Variants in COL25A1 observed in about 807,000 individuals in gnomAD.
COL25A1 encodes collagen alpha-1(XXV) chain.
A neutral mutation model predicts 128.4 loss-of-function variants in COL25A1; 103 were observed. The observed-to-expected ratio is 0.80, with a 90% confidence interval of 0.68 to 0.94. The LOEUF (loss-of-function observed/expected upper bound fraction) is 0.94, where lower values mean the gene tolerates loss of function less well. Ranked by LOEUF, COL25A1 falls within the 40% of genes least tolerant of loss-of-function variation. The pLI is 0.00. For synonymous variants in COL25A1, 279 were observed against 277.2 expected (o/e 1.01, Z -0.06); for missense variants, 745 against 840.0 (o/e 0.89, Z 1.40).
rs1364685297 is a variant in COL25A1, at chr4:108,809,413, TC to T, written c.*4513del. On this transcript the variant is annotated 3_prime_UTR_variant, in exon 38 of 38. Transcript: ENST00000399132. The stretch of plus-strand genomic sequence containing the variant: ...TAAATGTCAACAGTATGTAAGACAT[TC>T]TTTTGTGAATCCAATTCGTTAATAT... 6.6e-6 allele frequency: 1 copy of T among 152,112 alleles called. No individual in the cohort carries two copies. Among genetic ancestry groups the T allele is most frequent in the Non-Finnish European group, 1.5e-5 (1 of 67,944 alleles). 9.4% of individuals were successfully genotyped at this position (152,112 alleles called of 1,614,324 possible). A position where few individuals can be genotyped will look rare whatever the true frequency, so the allele number is the denominator to read the frequency against.
At chr4:109,067,235 C>T (rs1762522781) in intron 3 of COL25A1, among the ~76,000 whole-genome samples, 1 of 152,128 alleles carries the variant, frequency 6.6e-6, no homozygotes, top group African/African-American at 2.4e-5. Flanking sequence ...AGAGAACATC[C>T]TATGGATATA....
intron 33 of COL25A1, among the ~76,000 whole-genome samples, chr4:108,826,554 AAGAAG>A (rs1385107807): frequency 1.3e-5 from 2 of 152,140 alleles, no homozygotes; most frequent in Admixed American, 6.5e-5. Flanking sequence ...TAATAATAAT[AAGAAG>A]AGAAGAATTT....
chr4:109,095,870 T>C (rs1765351422), intron 3 of COL25A1, among the ~76,000 whole-genome samples: 1 of 152,108 alleles, frequency 6.6e-6, no homozygotes, highest in African/African-American at 2.4e-5. Flanking sequence ...AAAGGGCATG[T>C]CCACAGCACA....
intron 8 of COL25A1, 128 bp from the exon 9 acceptor site, chr4:108,941,565 G>A (rs1343229294): frequency 3.1e-6 from 2 of 641,390 alleles, no homozygotes; most frequent in Non-Finnish European, 5.5e-6. Context: ...AAACAAAATA[G>A]AACTGGCACT....
chr4:109,280,248 A>ATCAACC (rs1398403921), intron 3 of COL25A1, among the ~76,000 whole-genome samples: 1 of 152,210 alleles, frequency 6.6e-6, no homozygotes, highest in African/African-American at 2.4e-5. Context: ...TCAAATACCC[A>ATCAACC]TCAACTCAGA....
chr4:108,853,370 T>C (rs1164361973), intron 24 of COL25A1, among the ~76,000 whole-genome samples: 1 of 104,310 alleles, frequency 9.6e-6, no homozygotes, highest in Non-Finnish European at 2.1e-5. Context: ...AAAACTAACT[T>C]TGTGTTTGTG....
chr4:108,866,028 G>T, intron 20 of COL25A1, among the ~76,000 whole-genome samples: 1 of 151,952 alleles, frequency 6.6e-6, no homozygotes, highest in East Asian at 1.9e-4. Flanking sequence ...TCTCTTCCTT[G>T]TCCACACTAC....
intron 3 of COL25A1, among the ~76,000 whole-genome samples, chr4:109,247,538 A>G (rs1447931442): frequency 6.6e-6 from 1 of 152,220 alleles, no homozygotes; most frequent in Admixed American, 6.5e-5. Context: ...GGAACATGTA[A>G]TATTGCTTAC....
intron 33 of COL25A1, 63 bp downstream of exon 33, chr4:108,827,072 G>T: frequency 1.4e-6 from 2 of 1,421,782 alleles, no homozygotes; most frequent in Non-Finnish European, 2.0e-6. Context: ...AGGGTTAACC[G>T]TGTCAGTGAC....
rs754277660 is a variant in COL25A1 at position 108,860,926 on chromosome 4, C to T, written c.1242+1G>A. On this transcript the variant is annotated splice_donor_variant, in intron 23 of 37. Coordinates refer to ENST00000399132, the MANE Select transcript of COL25A1 (RefSeq NM_198721.4). LOFTEE classifies it high-confidence loss of function. ...TTTAGATGGATGAGAGGAACACTCA[C>T]CCTTGGTCCCTGAGCTCCAGAGTCC... The T allele has an allele frequency of 1.2e-6, 2 of 1,613,502 alleles. No homozygotes were observed. The highest frequency in any genetic ancestry group is 1.1e-5 in the South Asian group (1 of 91,072).
At chr4:108,982,216 A>G (rs1352744174) in intron 6 of COL25A1, among the ~76,000 whole-genome samples, 1 of 152,122 alleles carries the variant, frequency 6.6e-6, no homozygotes, top group Non-Finnish European at 1.5e-5. Context: ...CACACAAACA[A>G]AACAAAAAAG....
chr4:108,918,296 T>C (rs989483587), intron 12 of COL25A1, 80 bp from the exon 13 acceptor site: 20 of 1,003,508 alleles, frequency 2.0e-5, no homozygotes, highest in Non-Finnish European at 2.8e-5. Flanking sequence ...ATTAGTTATG[T>C]AAGCCTTGCT....
At chr4:108,835,139 C>A (rs542517184) in intron 31 of COL25A1, among the ~76,000 whole-genome samples, 1 of 152,210 alleles carries the variant, frequency 6.6e-6, no homozygotes, top group Admixed American at 6.5e-5. Context: ...CGAATGTTCT[C>A]AGACAATGCA....
chr4:109,162,183 C>A (rs75226964), intron 3 of COL25A1, among the ~76,000 whole-genome samples: 1 of 151,868 alleles, frequency 6.6e-6, no homozygotes, highest in African/African-American at 2.4e-5. Flanking sequence ...AAAGGCTTCC[C>A]GTAGAAGGTT....
chr4:109,150,001 T>G (rs935814541), intron 3 of COL25A1, among the ~76,000 whole-genome samples: 3 of 150,020 alleles, frequency 2.0e-5, no homozygotes, highest in African/African-American at 5.0e-5. Context: ...TATGTGTGGG[T>G]GTGTGTGTGT....
At position 108,908,077 on chromosome 4, in the gene COL25A1, A is replaced by G. The variant is rs80323420; in HGVS notation, c.781-6905T>C. Among the ~76,000 whole-genome samples, 916 of 152,150 alleles carry G rather than the reference A, an allele frequency of 6.0e-3. 18 individuals carry two copies. The highest frequency in any genetic ancestry group is 0.021 in the African/African-American group (858 of 41,518). ...TAAAGACGTTACCTGTTCATTCTTTATTTCTTAGAGATCTGACTAAATTTG... is the reference window on the plus strand; with the variant it reads ...TAAAGACGTTACCTGTTCATTCTTTGTTTCTTAGAGATCTGACTAAATTTG... On this transcript the variant is annotated intron_variant, in intron 13 of 37. Coordinates refer to ENST00000399132, the MANE Select transcript of COL25A1 (RefSeq NM_198721.4).
At chr4:108,835,861 C>CTTTTTTTTTTTTT (rs1158184110) in intron 31 of COL25A1, among the ~76,000 whole-genome samples, 14 of 45,720 alleles carry the variant, frequency 3.1e-4, no homozygotes, top group Non-Finnish European at 3.7e-4. Context: ...TTACATACGT[C>CTTTTTTTTTTTTT]TTTTTTTTTT....
At chr4:109,221,844 T>C (rs993374705) in intron 3 of COL25A1, among the ~76,000 whole-genome samples, 4 of 152,052 alleles carry the variant, frequency 2.6e-5, no homozygotes, top group African/African-American at 9.7e-5. Flanking sequence ...AGGACTTTCA[T>C]GCCTAAATAA....
intron 3 of COL25A1, among the ~76,000 whole-genome samples, chr4:109,136,755 T>G (rs890638036): frequency 2.0e-5 from 3 of 152,222 alleles, no homozygotes; most frequent in African/African-American, 7.2e-5. Context: ...CCCCAGCTGG[T>G]GCAGTCGTCA....
Sources: allele counts gnomAD v4.1 joint callset (sites outside exome capture counted in the v4.1 genomes callset), GRCh38; gene constraint gnomAD v4.1.1; transcripts MANE v1.5; gene names NCBI Gene and HGNC (gene_info 2026-07-23, HGNC 2026-07-21).